The following NCAM2 variants were observed in gnomAD, a reference collection of about 807,000 sequenced individuals.
NCAM2 encodes N-CAM-2.
A neutral mutation model predicts 98.1 loss-of-function variants in NCAM2; 30 were observed. The observed-to-expected ratio is 0.31, with a 90% CI of 0.23 to 0.41. The LOEUF is 0.41. NCAM2 is among the 10% of genes least tolerant of loss of function. The pLI, the probability that NCAM2 is intolerant of heterozygous loss-of-function variation, is 1.00. For synonymous variants in NCAM2, 368 were observed against 342.4 expected (o/e 1.07, Z -0.83); for missense variants, 867 against 1,005.8 (o/e 0.86, Z 1.87).
chr21:21,084,640 C>T (rs7282928), intron 1 of NCAM2, among the ~76,000 whole-genome samples: 5,769 of 152,176 alleles, frequency 0.038, 139 homozygotes, highest in East Asian at 0.048. Flanking sequence ...ATTAGAAATT[C>T]ACTTTCATTT....
chr21:21,429,802 A>G (rs956356573), intron 11 of NCAM2, among the ~76,000 whole-genome samples: 4 of 152,170 alleles, frequency 2.6e-5, no homozygotes, highest in Admixed American at 6.6e-5. Flanking sequence ...TTGTAACATC[A>G]TGTACTTCAT....
chr21:21,101,225 C>T (rs1214604830), intron 1 of NCAM2, among the ~76,000 whole-genome samples: 1 of 151,546 alleles, frequency 6.6e-6, no homozygotes, highest in African/African-American at 2.4e-5. Context: ...TATTAATATG[C>T]AGAAATAACA....
intron 1 of NCAM2, among the ~76,000 whole-genome samples, chr21:21,193,383 T>A (rs2068890240): frequency 6.6e-6 from 1 of 151,926 alleles, no homozygotes; most frequent in South Asian, 2.1e-4. Context: ...AATGGGAAGT[T>A]AAGTACAGCC....
At chr21:21,157,871 T>A (rs1458590097) in intron 1 of NCAM2, among the ~76,000 whole-genome samples, 1 of 152,168 alleles carries the variant, frequency 6.6e-6, no homozygotes, top group Non-Finnish European at 1.5e-5. Flanking sequence ...TTTGGAAAGT[T>A]CTTTCTCCAG....
In NCAM2 at chr21:21,067,580, T is replaced by C. The variant is rs2065466889; in HGVS notation, c.55+68962T>C. Among the ~76,000 whole-genome samples the C allele has an allele frequency of 2.6e-5, 4 of 152,312 alleles. No individual in the cohort carries two copies. The South Asian group carries it at 8.3e-4, about 32-fold the overall frequency. On this transcript the variant is annotated intron_variant, in intron 1 of 17. Transcript: ENST00000400546. ...TGATATTATGCAATACATTCTATAG[T>C]CTTTCTTGCATCATCCTACTTTTCA...
chr21:21,246,527 G>T (rs529738729), intron 1 of NCAM2, among the ~76,000 whole-genome samples: 1 of 151,984 alleles, frequency 6.6e-6, no homozygotes, highest in Non-Finnish European at 1.5e-5. Flanking sequence ...ATTCAAAAAC[G>T]TATGTAATAA....
At chr21:21,033,107 C>A (rs1381040065) in intron 1 of NCAM2, among the ~76,000 whole-genome samples, 1 of 152,068 alleles carries the variant, frequency 6.6e-6, no homozygotes, top group African/African-American at 2.4e-5. Context: ...CCCACCGCCA[C>A]ACCCAGCTAA....
intron 9 of NCAM2, among the ~76,000 whole-genome samples, chr21:21,404,759 C>A: frequency 6.6e-6 from 1 of 151,392 alleles, no homozygotes. Context: ...TGTATATATT[C>A]ATATGTGTGT....
chr21:21,407,931 T>C (rs143663954), intron 9 of NCAM2, among the ~76,000 whole-genome samples: 1 of 152,312 alleles, frequency 6.6e-6, no homozygotes, highest in East Asian at 1.9e-4. Context: ...TGTGTGTTCT[T>C]AGATTCTTCA....
At chr21:21,103,341 A>G (rs923768676) in intron 1 of NCAM2, among the ~76,000 whole-genome samples, 22 of 152,064 alleles carry the variant, frequency 1.4e-4, no homozygotes, top group Non-Finnish European at 1.5e-5. Context: ...AAACTCAGGA[A>G]ACTTAACAAA....
chr21:21,276,880 T>C (rs2072748079), intron 1 of NCAM2, among the ~76,000 whole-genome samples: 2 of 152,084 alleles, frequency 1.3e-5, no homozygotes, highest in South Asian at 4.1e-4. Context: ...ATATGTGCAT[T>C]GGTAATTTGT....
At chr21:21,286,505 A>G in intron 4 of NCAM2, 93 bp downstream of exon 4, 8 of 1,336,920 alleles carry the variant, frequency 6.0e-6, no homozygotes, top group Non-Finnish European at 7.2e-6. Context: ...AGAAATTTGA[A>G]TTTTTGACCC....
intron 5 of NCAM2, among the ~76,000 whole-genome samples, chr21:21,298,596 T>C (rs77994239): frequency 0.015 from 656 of 44,826 alleles, 5 homozygotes; most frequent in East Asian, 0.024. Flanking sequence ...TACAGATAGA[T>C]AGATAGATAG....
intron 8 of NCAM2, among the ~76,000 whole-genome samples, chr21:21,370,634 G>T (rs1236045707): frequency 2.0e-5 from 3 of 151,782 alleles, no homozygotes; most frequent in Non-Finnish European, 4.4e-5. Context: ...ACTCATAGTT[G>T]CTACTCAGGT....
Position 21,466,656 on chromosome 21 carries a change from G to T in NCAM2, c.1705G>T (p.Val569Phe). The T allele has an allele frequency of 6.2e-7, 1 of 1,609,672 alleles. No homozygotes were observed. The highest frequency in any genetic ancestry group is 8.5e-7 in the Non-Finnish European group (1 of 1,177,424). ...LEPNTTYEIR[V>F]AAVNGKGQGD... is the part of the protein sequence containing the mutation. ...ACCAAATACAACTTATGAAATCAGG[G>T]TTGCAGCTGTAAATGGAAAGGGACA... Residue 569 changes from valine (V) to phenylalanine (F), a missense_variant, in exon 13 of 18, where the codon GTT becomes TTT. Around this residue, in one of 5 missense-constraint regions of NCAM2, gnomAD observed 234 missense variants for 333.8 expected, o/e 0.70. Transcript: ENST00000400546.
chr21:21,273,901 C>T (rs1488117521), intron 1 of NCAM2, among the ~76,000 whole-genome samples: 1 of 152,158 alleles, frequency 6.6e-6, no homozygotes, highest in African/African-American at 2.4e-5. Context: ...TGCGTTGGCT[C>T]ATGCCTGTAA....
At chr21:21,286,563 T>C (rs996198421) in intron 4 of NCAM2, 151 bp downstream of exon 4, 1 of 845,626 alleles carries the variant, frequency 1.2e-6, no homozygotes, top group Non-Finnish European at 1.8e-6. Context: ...TACATTAGGA[T>C]TTTGCAATCT....
At chr21:21,024,259 T>C (rs1014663159) in intron 1 of NCAM2, among the ~76,000 whole-genome samples, 1 of 152,212 alleles carries the variant, frequency 6.6e-6, no homozygotes, top group Admixed American at 6.5e-5. Flanking sequence ...TTCTGACACC[T>C]ACAGGATATC....
chr21:21,272,499 C>CGCGT (rs1382890191), intron 1 of NCAM2, among the ~76,000 whole-genome samples: 3 of 50,604 alleles, frequency 5.9e-5, no homozygotes, highest in Non-Finnish European at 1.3e-4. Context: ...CACACACATG[C>CGCGT]GCGCGCGCGC....
Sources: allele counts gnomAD v4.1 joint callset (sites outside exome capture counted in the v4.1 genomes callset), GRCh38; gene constraint gnomAD v4.1.1; regional missense constraint gnomAD v4.1.1; transcripts MANE v1.5; gene names NCBI Gene and HGNC (gene_info 2026-07-23, HGNC 2026-07-21).